The following SOHLH2 variants were observed in gnomAD, a reference collection of about 807,000 sequenced individuals.
SOHLH2 encodes spermatogenesis and oogenesis specific basic helix-loop-helix 2, also known as spermatogenesis- and oogenesis-specific basic helix-loop-helix-containing protein 2.
Under a neutral mutation model 50.4 loss-of-function variants are expected in SOHLH2, and 22 were observed. The ratio of observed to expected loss-of-function variants is 0.44; its 90% CI spans 0.31 to 0.62. The LOEUF is 0.62. Among genes scored for constraint, SOHLH2 ranks in the 20% least tolerant of loss-of-function variants. The pLI is 0.08. For missense variants in SOHLH2, 412 were observed against 504.4 expected (o/e 0.82, Z 1.76); for synonymous variants, 185 against 187.3 (o/e 0.99, Z 0.10).
At chr13:36,212,070 G>A (rs74045238) in intron 1 of SOHLH2, among the ~76,000 whole-genome samples, 1,655 of 152,130 alleles carry the variant, frequency 0.011, 31 homozygotes, top group African/African-American at 0.038. Flanking sequence ...CTTTTGGGGG[G>A]AAAAAAAGTC....
chr13:36,189,792 A>C (rs1490645831), intron 6 of SOHLH2, among the ~76,000 whole-genome samples, 154 bp downstream of exon 6: 1 of 152,194 alleles, frequency 6.6e-6, no homozygotes, highest in Admixed American at 6.5e-5. Context: ...CATTTATTGA[A>C]TGACTACAAG....
intron 2 of SOHLH2, among the ~76,000 whole-genome samples, chr13:36,195,990 G>A (rs1161744464): frequency 1.3e-5 from 2 of 152,070 alleles, no homozygotes; most frequent in Non-Finnish European, 2.9e-5. Flanking sequence ...CACTGGTGTA[G>A]GTGGTGTGGT....
chr13:36,176,133 G>T (rs1332204830), intron 6 of SOHLH2, among the ~76,000 whole-genome samples: 1 of 152,032 alleles, frequency 6.6e-6, no homozygotes, highest in Non-Finnish European at 1.5e-5. Flanking sequence ...GGAAAAGTAG[G>T]CCACAAAACA....
At chr13:36,172,866 C>T (rs1886998631) in intron 9 of SOHLH2, among the ~76,000 whole-genome samples, 4 of 152,164 alleles carry the variant, frequency 2.6e-5, no homozygotes, top group African/African-American at 7.2e-5. Flanking sequence ...GCAGTCCTGT[C>T]ATCTAGCGTC....
chr13:36,174,760 A>G lies in SOHLH2; in HGVS notation c.751T>C (p.Tyr251His). The stretch of plus-strand genomic sequence containing the variant: ...GCTGGAGAGATTTTCTCCCGGATAT[A>G]TTTCACATAATCAACTGTTGCCTCA... ...VLEATVDYVKYIREKISPAVM... is the reference protein window; with the variant it reads ...VLEATVDYVKHIREKISPAVM... The change falls in exon 7 of 11, where the codon TAT becomes CAT. Residue 251 changes from tyrosine (Y) to histidine (H), a missense_variant. Tyr to His is a moderately conservative substitution (Grantham distance 83, BLOSUM62 2). Coordinates refer to ENST00000379881, the MANE Select transcript of SOHLH2 (RefSeq NM_017826.3). 1 of 1,610,926 alleles carries G rather than the reference A, an allele frequency of 6.2e-7. No homozygotes were observed. Among genetic ancestry groups the G allele is most frequent in the Non-Finnish European group, 8.5e-7 (1 of 1,179,064 alleles).
chr13:36,197,984 C>A (rs1020807124), intron 2 of SOHLH2, among the ~76,000 whole-genome samples: 1 of 152,088 alleles, frequency 6.6e-6, no homozygotes, highest in South Asian at 2.1e-4. Flanking sequence ...TGTAAACTAC[C>A]TAGTAAGATT....
At chr13:36,211,720 C>T (rs1012347690) in intron 1 of SOHLH2, among the ~76,000 whole-genome samples, 1 of 152,168 alleles carries the variant, frequency 6.6e-6, no homozygotes, top group Non-Finnish European at 1.5e-5. Context: ...AAAATGCTTA[C>T]GTTGCAAGAA....
chr13:36,175,266 A>G (rs1887069770), intron 6 of SOHLH2, among the ~76,000 whole-genome samples: 1 of 152,190 alleles, frequency 6.6e-6, no homozygotes, highest in African/African-American at 2.4e-5. Flanking sequence ...TGATATAAAA[A>G]TCCTTTTGCG....
intron 1 of SOHLH2, among the ~76,000 whole-genome samples, chr13:36,206,063 C>A (rs1245137936): frequency 1.3e-5 from 2 of 151,164 alleles, no homozygotes; most frequent in Non-Finnish European, 3.0e-5. Context: ...TTATTTTTTT[C>A]TTTTTCTGGT....
Position 36,173,730 on chromosome 13 carries a change from G to A in SOHLH2, c.962C>T (p.Thr321Ile). 6.2e-7 allele frequency: 1 copy of A among 1,613,704 alleles called. No homozygotes were observed. Among genetic ancestry groups the A allele is most frequent in the Non-Finnish European group, 8.5e-7 (1 of 1,179,972 alleles). The change falls in exon 9 of 11, where the codon ACT (threonine) becomes ATT (isoleucine). Residue 321 changes from threonine to isoleucine, a missense_variant. Physicochemically the swap from Thr to Ile is moderately conservative, Grantham distance 89 (BLOSUM62 -1). Transcript: ENST00000379881. ...ATCCAAGGAGCTCTCTGCATCAGGAGTGGAGCACCCATTCCAGCACGTATT... is the reference window on the plus strand; with the variant it reads ...ATCCAAGGAGCTCTCTGCATCAGGAATGGAGCACCCATTCCAGCACGTATT... ...LTNTCWNGCS[T>I]PDAESSLDEA...
chr13:36,193,956 C>G, intron 2 of SOHLH2, 89 bp from the exon 3 acceptor site: 1 of 1,184,164 alleles, frequency 8.4e-7, no homozygotes, highest in South Asian at 1.7e-5. Context: ...GAACTAACTA[C>G]AGTGATTTTC....
rs1459740041 is a variant in SOHLH2, at chr13:36,168,233, GTATTT to G, written c.*796_*800del. On this transcript the variant is annotated 3_prime_UTR_variant, in exon 11 of 11. Transcript: ENST00000379881. Reference sequence around the variant, plus strand: ...TTACAATGCTCAGGGTGAAAACTGAGTATTTTATTTAATAATAAAACTTACATATA... The same window carrying G: ...TTACAATGCTCAGGGTGAAAACTGAGTATTTAATAATAAAACTTACATATA... 6.6e-6 allele frequency: 1 copy of G among 152,136 alleles called. No individual in the cohort carries two copies. Among genetic ancestry groups the G allele is most frequent in the African/African-American group, 2.4e-5 (1 of 41,446 alleles). 9.4% of individuals were successfully genotyped at this position (152,136 alleles called of 1,614,324 possible). A position where few individuals can be genotyped will look rare whatever the true frequency, so the allele number is the denominator to read the frequency against.
intron 1 of SOHLH2, among the ~76,000 whole-genome samples, chr13:36,214,022 GA>G (rs35706405): frequency 0.23 from 35,205 of 151,482 alleles, 4,607 homozygotes; most frequent in East Asian, 0.4. Flanking sequence ...ATAAGTTGGG[GA>G]AACGTCAAGG....
intron 6 of SOHLH2, among the ~76,000 whole-genome samples, chr13:36,184,709 T>C (rs559826771): frequency 1.3e-5 from 2 of 152,176 alleles, no homozygotes; most frequent in East Asian, 1.9e-4. Flanking sequence ...CCACCCGCCT[T>C]GGCCTCCCAA....
chr13:36,181,680 T>C (rs1411098364), intron 6 of SOHLH2, among the ~76,000 whole-genome samples: 1 of 152,228 alleles, frequency 6.6e-6, no homozygotes, highest in Non-Finnish European at 1.5e-5. Flanking sequence ...GATACATTGC[T>C]ATAATTCTTG....
rs76597726 is a variant in SOHLH2, at chr13:36,184,680, G to A, written c.641+5266C>T. The stretch of plus-strand genomic sequence containing the variant: ...TCACCGTGTTAGCTAGGATGGTCTC[G>A]ATCTCCTGACCTCGTGATCCACCCG... On this transcript the variant is annotated intron_variant, in intron 6 of 10. Coordinates refer to ENST00000379881, the MANE Select transcript of SOHLH2 (RefSeq NM_017826.3). Among the ~76,000 whole-genome samples, 499 of 152,006 alleles carry A rather than the reference G, an allele frequency of 3.3e-3. 24 individuals carry two copies. The East Asian group carries it at 0.085, about 26-fold the overall frequency.
intron 1 of SOHLH2, among the ~76,000 whole-genome samples, chr13:36,209,404 T>C (rs1037192426): frequency 3.9e-5 from 6 of 152,148 alleles, no homozygotes; most frequent in African/African-American, 1.4e-4. Flanking sequence ...GAGTGGCTTA[T>C]AAACAACAGA....
At chr13:36,175,459 C>A (rs1015069109) in intron 6 of SOHLH2, among the ~76,000 whole-genome samples, 13 of 152,154 alleles carry the variant, frequency 8.5e-5, no homozygotes, top group Admixed American at 6.5e-5. Flanking sequence ...ACGAGCAGAC[C>A]AGGATGCAGG....
intron 1 of SOHLH2, among the ~76,000 whole-genome samples, chr13:36,205,734 G>A (rs1868720666): frequency 6.6e-6 from 1 of 151,978 alleles, no homozygotes; most frequent in Admixed American, 6.6e-5. Context: ...CAGCCTTGAA[G>A]AATAAAATAT....
Sources: gnomAD v4.1 joint callset for allele counts (sites outside exome capture counted in the v4.1 genomes callset) on GRCh38, gnomAD v4.1.1 for gene constraint, MANE v1.5 for transcripts, NCBI Gene and HGNC (gene_info 2026-07-23, HGNC 2026-07-21) for gene names.